Variants in PSTPIP2 observed in about 807,000 individuals in gnomAD.
PSTPIP2 encodes the protein proline-serine-threonine phosphatase-interacting protein 2.
A neutral mutation model predicts 63.3 loss-of-function variants in PSTPIP2; 33 were observed. That is an observed-to-expected ratio of 0.52 (90% CI 0.40 to 0.70). PSTPIP2 has a LOEUF of 0.70. Among genes scored for constraint, PSTPIP2 ranks in the 30% least tolerant of loss-of-function variants. The pLI is 0.00. For synonymous variants in PSTPIP2, 125 were observed against 132.7 expected (o/e 0.94, Z 0.40); for missense variants, 312 against 400.7 (o/e 0.78, Z 1.89).
intron 1 of PSTPIP2, among the ~76,000 whole-genome samples, chr18:46,055,129 T>C (rs1345381643): frequency 3.9e-5 from 6 of 152,108 alleles, no homozygotes; most frequent in Non-Finnish European, 7.4e-5. Context: ...AGCCTCACTG[T>C]TATCTCTCCC....
chr18:45,985,272 T>C lies in PSTPIP2; in HGVS notation c.*187A>G, dbSNP rs891667737. The C allele has an allele frequency of 9.6e-6, 7 of 731,604 alleles. No homozygotes were observed. Among genetic ancestry groups the C allele is most frequent in the Non-Finnish European group, 1.5e-5 (7 of 460,064 alleles). 45.3% of individuals were successfully genotyped at this position (731,604 alleles called of 1,614,324 possible). A position where few individuals can be genotyped will look rare whatever the true frequency, so the allele number is the denominator to read the frequency against. On this transcript the variant is annotated 3_prime_UTR_variant, in exon 15 of 15. Transcript: ENST00000409746. ...GGGCAATTTGTAAACTTCAAAAAACTGCAGAACTCTACTTGCTTATGTTGT... is the reference window on the plus strand; with the variant it reads ...GGGCAATTTGTAAACTTCAAAAAACCGCAGAACTCTACTTGCTTATGTTGT...
At chr18:46,029,497 T>C (rs549435894) in intron 2 of PSTPIP2, 905 of 894,108 alleles carry the variant, frequency 1.0e-3, no homozygotes, top group Non-Finnish European at 1.3e-3. Context: ...GATTAAGCAT[T>C]GCCACATCTA....
At chr18:46,041,394 A>C (rs906453291) in intron 1 of PSTPIP2, among the ~76,000 whole-genome samples, 1 of 152,040 alleles carries the variant, frequency 6.6e-6, no homozygotes, top group Non-Finnish European at 1.5e-5. Context: ...CTACAGGGAC[A>C]TGCCACCATA....
At chr18:46,028,324 G>A (rs1033814279) in intron 2 of PSTPIP2, 1 of 471,470 alleles carries the variant, frequency 2.1e-6, no homozygotes, top group Non-Finnish European at 4.2e-6. Flanking sequence ...CTGGAAAGCC[G>A]GAGCGGGGCC....
intron 2 of PSTPIP2, among the ~76,000 whole-genome samples, chr18:46,030,810 T>G (rs575633493): frequency 1.6e-4 from 25 of 152,378 alleles, no homozygotes; most frequent in African/African-American, 6.0e-4. Flanking sequence ...ACGAATGTTC[T>G]TAAATATTTC....
intron 8 of PSTPIP2, among the ~76,000 whole-genome samples, chr18:45,998,044 T>C (rs2051621341): frequency 1.3e-5 from 2 of 152,044 alleles, no homozygotes; most frequent in Non-Finnish European, 2.9e-5. Flanking sequence ...TTTTTAAACA[T>C]TGGACCTAAC....
At chr18:45,992,778 A>T (rs1306494628) in intron 10 of PSTPIP2, among the ~76,000 whole-genome samples, 1 of 146,736 alleles carries the variant, frequency 6.8e-6, no homozygotes, top group Non-Finnish European at 1.5e-5. Context: ...AGTGCAGTGC[A>T]GTGGTGCAAT....
intron 5 of PSTPIP2, among the ~76,000 whole-genome samples, chr18:46,006,859 T>G (rs1005066566): frequency 6.6e-6 from 1 of 152,250 alleles, no homozygotes; most frequent in South Asian, 2.1e-4. Flanking sequence ...GCAGTTTTCA[T>G]GCATCACAAC....
chr18:46,029,356 G>A, intron 2 of PSTPIP2: 2 of 1,559,618 alleles, frequency 1.3e-6, no homozygotes, highest in Admixed American at 1.7e-5. Context: ...ATTAATGGAA[G>A]GGTTGCAGCA....
intron 12 of PSTPIP2, among the ~76,000 whole-genome samples, 176 bp from the exon 13 acceptor site, chr18:45,990,932 C>T (rs1331641378): frequency 1.3e-5 from 2 of 152,102 alleles, no homozygotes; most frequent in Non-Finnish European, 2.9e-5. Context: ...ATCTAAGTTG[C>T]AGACGTCGTA....
chr18:45,988,662 C>T, intron 14 of PSTPIP2, 40 bp downstream of exon 14: 1 of 1,488,818 alleles, frequency 6.7e-7, no homozygotes, highest in Non-Finnish European at 9.4e-7. Context: ...AATTACCAGT[C>T]TACACATGAC....
intron 1 of PSTPIP2, chr18:46,040,413 C>T (rs893406351): frequency 1.7e-5 from 3 of 176,378 alleles, no homozygotes; most frequent in African/African-American, 7.2e-5. Context: ...TTTTCAGAAA[C>T]CAGGACTCTC....
chr18:46,049,685 TC>T (rs1315343184), intron 1 of PSTPIP2, among the ~76,000 whole-genome samples: 1 of 152,006 alleles, frequency 6.6e-6, no homozygotes, highest in Non-Finnish European at 1.5e-5. Context: ...ATTGAGACCA[TC>T]CTGGCCAACA....
At chr18:46,066,028 C>G (rs1909178625) in intron 1 of PSTPIP2, among the ~76,000 whole-genome samples, 1 of 151,952 alleles carries the variant, frequency 6.6e-6, no homozygotes, top group African/African-American at 2.4e-5. Context: ...TTTTAATAAC[C>G]TTAATTTTAT....
At chr18:46,051,391 C>T (rs1908576322) in intron 1 of PSTPIP2, among the ~76,000 whole-genome samples, 1 of 152,062 alleles carries the variant, frequency 6.6e-6, no homozygotes, top group East Asian at 1.9e-4. Flanking sequence ...GGGAGAATCA[C>T]TTGAGCCCGG....
intron 2 of PSTPIP2, among the ~76,000 whole-genome samples, chr18:46,030,370 A>AC (rs1193090966): frequency 6.6e-6 from 1 of 152,190 alleles, no homozygotes. Flanking sequence ...TGAAAAAAAA[A>AC]AGTAAGAGGA....
intron 6 of PSTPIP2, among the ~76,000 whole-genome samples, chr18:46,002,291 T>C (rs2051676437): frequency 6.6e-6 from 1 of 152,222 alleles, no homozygotes; most frequent in Non-Finnish European, 1.5e-5. Flanking sequence ...AGCCATTATT[T>C]CTTCAAATAA....
intron 6 of PSTPIP2, among the ~76,000 whole-genome samples, chr18:46,003,897 C>T (rs2051697221): frequency 6.6e-6 from 1 of 151,872 alleles, no homozygotes; most frequent in African/African-American, 2.4e-5. Flanking sequence ...GCTGGGATTA[C>T]AGGTGCACAC....
intron 3 of PSTPIP2, among the ~76,000 whole-genome samples, chr18:46,022,017 G>A (rs1907381115): frequency 6.6e-6 from 1 of 151,966 alleles, no homozygotes; most frequent in African/African-American, 2.4e-5. Context: ...ACAAATATGA[G>A]TAACTGTAAA....
Sources: allele counts gnomAD v4.1 joint callset (sites outside exome capture counted in the v4.1 genomes callset), GRCh38; gene constraint gnomAD v4.1.1; transcripts MANE v1.5; gene names NCBI Gene and HGNC (gene_info 2026-07-23, HGNC 2026-07-21).